NEO1: variants seen among roughly 807,000 people sequenced by gnomAD.
NEO1 encodes neogenin 1.
NEO1 carries 63 observed loss-of-function variants against 159.7 expected under a neutral mutation model. The ratio of observed to expected loss-of-function variants is 0.39; its 90% CI spans 0.32 to 0.49. NEO1 has a LOEUF of 0.49. NEO1 is among the 20% of genes least tolerant of loss of function. The pLI is 0.85. For synonymous variants in NEO1, 633 were observed against 662.0 expected (o/e 0.96, Z 0.67); for missense variants, 1,615 against 1,831.0 (o/e 0.88, Z 2.15).
In NEO1 at chr15:73,158,208, CTTTTTTTTT is replaced by C. The variant is rs1047852394; in HGVS notation, c.1016-18178_1016-18170del. ...CCAGCCTGGGAGAAAGAGTGAGACT[CTTTTTTTTT>C]TTTTTTTTTTTTTTTTACAATTTTT... On this transcript the variant is annotated intron_variant, in intron 5 of 28. Transcript: ENST00000261908. 8.5e-5 allele frequency among the ~76,000 whole-genome samples: 7 copies of C among 82,556 alleles called. No homozygotes were observed. In the East Asian group the frequency reaches 2.9e-3, roughly 34 times the overall value. 54.2% of individuals were successfully genotyped at this position (82,556 alleles called of 152,430 possible). A position where few individuals can be genotyped will look rare whatever the true frequency, so the allele number is the denominator to read the frequency against.
chr15:73,075,284 G>A (rs2068716795), intron 1 of NEO1, among the ~76,000 whole-genome samples: 1 of 152,154 alleles, frequency 6.6e-6, no homozygotes. Flanking sequence ...TGATGGTGGT[G>A]CTTTGTTTTG....
chr15:73,166,215 T>G (rs1339458133), intron 5 of NEO1, among the ~76,000 whole-genome samples: 1 of 152,154 alleles, frequency 6.6e-6, no homozygotes, highest in Non-Finnish European at 1.5e-5. Flanking sequence ...CAAGTGTTGG[T>G]AAGGATATGG....
At position 73,173,061 on chromosome 15, in the gene NEO1, A is replaced by G. The variant is rs550245624; in HGVS notation, c.1016-3342A>G. Among the ~76,000 whole-genome samples the G allele has an allele frequency of 1.2e-3, 181 of 152,342 alleles. 1 individual carries two copies. Among genetic ancestry groups the G allele is most frequent in the African/African-American group, 4.1e-3 (170 of 41,576 alleles). On this transcript the variant is annotated intron_variant, in intron 5 of 28. Transcript: ENST00000261908. Reference sequence around the variant, plus strand: ...GCTCAATCCATATTAGTAGTCTCCCATAAATTTTATTTAACACAAGTAAGC... The same window carrying G: ...GCTCAATCCATATTAGTAGTCTCCCGTAAATTTTATTTAACACAAGTAAGC...
chr15:73,275,393 T>C (rs1390485324), intron 21 of NEO1, among the ~76,000 whole-genome samples: 1 of 152,152 alleles, frequency 6.6e-6, no homozygotes, highest in Non-Finnish European at 1.5e-5. Context: ...CTCAGGCCTG[T>C]AATCCCAGCA....
chr15:73,068,291 G>A (rs1173822697), intron 1 of NEO1, among the ~76,000 whole-genome samples: 2 of 132,970 alleles, frequency 1.5e-5, no homozygotes, highest in Admixed American at 1.8e-4. Flanking sequence ...GTGGGTTCTC[G>A]GCTCACTGCA....
intron 4 of NEO1, among the ~76,000 whole-genome samples, chr15:73,128,430 T>A (rs980512733): frequency 6.6e-6 from 1 of 152,184 alleles, no homozygotes; most frequent in African/African-American, 2.4e-5. Context: ...ATAAAACTTA[T>A]ATATAATGAT....
In NEO1 at chr15:73,120,227, C is replaced by T. The variant is rs2071564131; in HGVS notation, c.449-2298C>T. ...TTATTGATTAAGATTTCCTCCTTTC[C>T]CCAACTTGATCAAATTCTGTGTTTA... On this transcript the variant is annotated intron_variant, in intron 2 of 28. Transcript: ENST00000261908. 3.3e-5 allele frequency among the ~76,000 whole-genome samples: 5 copies of T among 151,374 alleles called. No homozygotes were observed. The South Asian group carries it at 1.0e-3, about 32-fold the overall frequency.
rs143100724 is a variant in NEO1, at chr15:73,292,852, T to C, written c.3743-538T>C. On this transcript the variant is annotated intron_variant, in intron 25 of 28. Transcript: ENST00000261908. ...GAAAGCCGATTAAACAGCTACTTAT[T>C]TATTTGGCCTAAATACCCATTAAAT... Among the ~76,000 whole-genome samples the C allele has an allele frequency of 3.9e-5, 6 of 152,346 alleles. No individual in the cohort carries two copies. In the East Asian group the frequency reaches 1.2e-3, roughly 29 times the overall value.
chr15:73,094,214 C>T (rs1014503922), intron 1 of NEO1, among the ~76,000 whole-genome samples: 5 of 152,126 alleles, frequency 3.3e-5, no homozygotes, highest in Non-Finnish European at 5.9e-5. Context: ...AAATCTTATA[C>T]CCCATAAGCA....
At chr15:73,218,785 T>C (rs947587453) in intron 7 of NEO1, among the ~76,000 whole-genome samples, 1 of 152,212 alleles carries the variant, frequency 6.6e-6, no homozygotes, top group African/African-American at 2.4e-5. Context: ...CCCTTTATCA[T>C]TTTTTATTGT....
intron 5 of NEO1, among the ~76,000 whole-genome samples, chr15:73,150,864 G>A (rs1185062752): frequency 6.6e-6 from 1 of 152,156 alleles, no homozygotes; most frequent in Non-Finnish European, 1.5e-5. Context: ...AGTTTTGTCT[G>A]TCCTAAAGCT....
At chr15:73,284,722 A>G (rs1348957315) in intron 23 of NEO1, among the ~76,000 whole-genome samples, 1 of 151,608 alleles carries the variant, frequency 6.6e-6, no homozygotes, top group African/African-American at 2.4e-5. Context: ...AGTAGCTGGG[A>G]TTACAGGCAC....
At chr15:73,269,906 C>T (rs2041094758) in intron 16 of NEO1, 104 bp from the exon 17 acceptor site, 28 of 874,766 alleles carry the variant, frequency 3.2e-5, no homozygotes, top group South Asian at 2.9e-4. Flanking sequence ...TCTTTTTCTC[C>T]ATTTCTCACC....
chr15:73,227,301 G>T (rs1466881551), intron 7 of NEO1, among the ~76,000 whole-genome samples: 1 of 152,122 alleles, frequency 6.6e-6, no homozygotes, highest in Non-Finnish European at 1.5e-5. Flanking sequence ...TTCGAGACCA[G>T]CCTGACCAAC....
At chr15:73,236,279 A>G (rs748813404) in intron 7 of NEO1, 68 bp from the exon 8 acceptor site, 10 of 1,612,188 alleles carry the variant, frequency 6.2e-6, no homozygotes, top group Middle Eastern at 1.7e-4. Flanking sequence ...ATGTTTGCAC[A>G]TGACAAGATG....
intron 3 of NEO1, among the ~76,000 whole-genome samples, chr15:73,124,224 G>A (rs1191043965): frequency 6.7e-6 from 1 of 149,036 alleles, no homozygotes; most frequent in African/African-American, 2.4e-5. Context: ...ACCACATCTG[G>A]CTAATTTTTT....
chr15:73,248,926 C>G (rs2039934921), intron 9 of NEO1, 134 bp from the exon 10 acceptor site: 1 of 846,698 alleles, frequency 1.2e-6, no homozygotes, highest in South Asian at 2.1e-5. Context: ...TCTAAAACCA[C>G]TTCAATCAAA....
chr15:73,089,183 G>A (rs1049651966), intron 1 of NEO1, among the ~76,000 whole-genome samples: 1 of 152,046 alleles, frequency 6.6e-6, no homozygotes, highest in African/African-American at 2.4e-5. Context: ...TTGATTAAAA[G>A]CAATTTATTT....
At chr15:73,244,293 C>G (rs780674423) in intron 8 of NEO1, 51 bp from the exon 9 acceptor site, 10 of 1,559,856 alleles carry the variant, frequency 6.4e-6, no homozygotes, top group Non-Finnish European at 8.7e-6. Flanking sequence ...ACTGTACATT[C>G]TGGAAGTATT....
Sources: gnomAD v4.1 joint callset for allele counts (sites outside exome capture counted in the v4.1 genomes callset) on GRCh38, gnomAD v4.1.1 for gene constraint, MANE v1.5 for transcripts, NCBI Gene and HGNC (gene_info 2026-07-23, HGNC 2026-07-21) for gene names.